Variants in TAF1 observed in about 807,000 individuals in gnomAD.
TAF1 encodes transcription initiation factor TFIID subunit 1.
A neutral mutation model predicts 138.5 loss-of-function variants in TAF1; 2 were observed. The ratio of observed to expected loss-of-function variants is 0.01; its 90% CI spans 0.01 to 0.05. TAF1 has a LOEUF of 0.05. Ranked by LOEUF, TAF1 falls within the 10% of genes least tolerant of loss-of-function variation. TAF1 has a pLI of 1.00. For missense variants in TAF1, 709 were observed against 1,478.0 expected (o/e 0.48, Z 8.53); for synonymous variants, 437 against 503.2 (o/e 0.87, Z 1.76).
chrX:71,455,001 T>C, intron 34 of TAF1, 144 bp downstream of exon 34: 2 of 1,164,056 alleles, frequency 1.7e-6, no homozygotes, highest in Non-Finnish European at 2.3e-6. Flanking sequence ...TCTTGTCTTC[T>C]CAAAGGCTAA....
intron 13 of TAF1, among the ~76,000 whole-genome samples, chrX:71,503,705 C>A (rs1238185938): frequency 1.8e-5 from 2 of 110,054 alleles, no homozygotes. Flanking sequence ...GTGGCTGGTT[C>A]AACTTTTTTT....
At position 71,367,693 on chromosome X, in the gene TAF1, C is replaced by T. The variant is rs28382150; in HGVS notation, c.235+80C>T. The T allele has an allele frequency of 3.9e-3, 4,120 of 1,063,709 alleles. 85 individuals carry two copies. In the African/African-American group the frequency reaches 0.068, roughly 18 times the overall value. The allele number at this position is 1,063,709 out of a possible 1,213,427, so 87.7% of individuals were successfully genotyped here. On this transcript the variant is annotated intron_variant, in intron 2 of 37. Coordinates refer to ENST00000423759, the MANE Select transcript of TAF1 (RefSeq NM_004606.5). ...TATGTACTTTTTTGTGTGTGTAAGA[C>T]GGAGTTTCGCTCTGTCTCCGAGGTT...
intron 24 of TAF1, 119 bp from the exon 25 acceptor site, chrX:71,401,409 G>A: frequency 6.8e-6 from 6 of 884,723 alleles, no homozygotes; most frequent in Non-Finnish European, 9.5e-6. Context: ...GTATACTTGG[G>A]GGTCCTGGAA....
chrX:71,382,922 C>A, intron 11 of TAF1, 54 bp downstream of exon 11: 1 of 1,191,282 alleles, frequency 8.4e-7, no homozygotes, highest in Admixed American at 2.3e-5. Context: ...TTTGTTCTGA[C>A]GGAGGATATG....
chrX:71,500,224 G>A (rs1423580785), intron 13 of TAF1, among the ~76,000 whole-genome samples: 2 of 109,918 alleles, frequency 1.8e-5, no homozygotes, highest in Admixed American at 9.7e-5. Flanking sequence ...ATTCTCCTTC[G>A]ATGAAAAGAA....
intron 28 of TAF1, among the ~76,000 whole-genome samples, chrX:71,413,630 G>A (rs2035905815): frequency 9.0e-6 from 1 of 110,841 alleles, no homozygotes; most frequent in Non-Finnish European, 1.9e-5. Context: ...ACTATCTCCA[G>A]CCCCATACCT....
At chrX:71,408,354 G>C (rs774606864) in intron 28 of TAF1, among the ~76,000 whole-genome samples, 28 of 110,814 alleles carry the variant, frequency 2.5e-4, no homozygotes, top group African/African-American at 9.2e-4. Flanking sequence ...TGGAGTCTCT[G>C]TCATCCAGGC....
At chrX:71,401,397 T>C in intron 24 of TAF1, 131 bp from the exon 25 acceptor site, 3 of 759,687 alleles carry the variant, frequency 3.9e-6, no homozygotes, top group Non-Finnish European at 5.7e-6. Flanking sequence ...GTGTGGATTT[T>C]GGTATACTTG....
At chrX:71,423,399 C>T (rs1403871148) in intron 30 of TAF1, 160 bp downstream of exon 30, 2 of 459,728 alleles carry the variant, frequency 4.4e-6, no homozygotes, top group Non-Finnish European at 2.7e-6. Flanking sequence ...TATATGGGTA[C>T]ATTATCTTTT....
intron 13 of TAF1, among the ~76,000 whole-genome samples, chrX:71,495,202 A>C (rs2039374089): frequency 1.8e-5 from 2 of 112,008 alleles, no homozygotes; most frequent in Non-Finnish European, 1.9e-5. Flanking sequence ...TGTCCTCTTT[A>C]GTGAACTCTT....
chrX:71,402,997 G>A (rs910189531), intron 25 of TAF1, among the ~76,000 whole-genome samples: 1 of 109,870 alleles, frequency 9.1e-6, no homozygotes, highest in East Asian at 2.8e-4. Flanking sequence ...AATCTAGAAT[G>A]ATTTTCCCTA....
chrX:71,523,210 C>T (rs1313953070), intron 13 of TAF1, among the ~76,000 whole-genome samples: 1 of 101,925 alleles, frequency 9.8e-6, no homozygotes, highest in East Asian at 3.1e-4. Flanking sequence ...AAAAAAAAAT[C>T]CGTTATAGGT....
At chrX:71,528,249 G>T in intron 13 of TAF1, 1 of 243,622 alleles carries the variant, frequency 4.1e-6, no homozygotes, top group South Asian at 4.5e-5. Flanking sequence ...GTCAGTGTAT[G>T]ATTGCCCCCA....
chrX:71,393,276 T>C, intron 20 of TAF1, 25 bp from the exon 21 acceptor site: 2 of 1,156,576 alleles, frequency 1.7e-6, no homozygotes. Flanking sequence ...ATATTTATAT[T>C]TGTGTGTGGC....
intron 32 of TAF1, among the ~76,000 whole-genome samples, chrX:71,450,629 G>T (rs962860440): frequency 8.9e-6 from 1 of 111,746 alleles, no homozygotes; most frequent in African/African-American, 3.3e-5. Context: ...TTCCTTCTTT[G>T]TGCCACTATT....
chrX:71,395,906 C>G (rs1429777578), intron 22 of TAF1, among the ~76,000 whole-genome samples: 3 of 110,637 alleles, frequency 2.7e-5, no homozygotes, highest in African/African-American at 9.9e-5. Flanking sequence ...ACCTGTAATC[C>G]CAGCACTTTG....
intron 34 of TAF1, among the ~76,000 whole-genome samples, chrX:71,456,841 A>C (rs2038328286): frequency 9.3e-6 from 1 of 107,801 alleles, no homozygotes; most frequent in Non-Finnish European, 1.9e-5. Flanking sequence ...ACGCCTGGCT[A>C]ATTTTGTATT....
At position 71,463,877 on chromosome X, in the gene TAF1, T is replaced by A; in HGVS notation, c.5453T>A (p.Phe1818Tyr). ...AAGTCGAACACCCAAGACACAAGCT[T>A]CAGCAGCATCGGTGGGTATGAGGTA... is the stretch of plus-strand genomic sequence containing the variant. ...DPKSNTQDTSFSSIGGYEVSE... is the reference protein window; with the variant it reads ...DPKSNTQDTSYSSIGGYEVSE... The change falls in exon 38 of 38, where the codon TTC (phenylalanine) becomes TAC (tyrosine). Residue 1818 changes from phenylalanine (F) to tyrosine (Y), a missense_variant. Coordinates refer to ENST00000423759, the MANE Select transcript of TAF1 (RefSeq NM_004606.5). 2 of 1,210,860 alleles carry A rather than the reference T, an allele frequency of 1.7e-6. No homozygotes were observed. Among genetic ancestry groups the A allele is most frequent in the Non-Finnish European group, 2.2e-6 (2 of 895,187 alleles).
intron 15 of TAF1, 87 bp downstream of exon 15, chrX:71,387,548 C>T: frequency 9.1e-7 from 1 of 1,095,577 alleles, no homozygotes; most frequent in Non-Finnish European, 1.2e-6. Context: ...GCTGTAATCC[C>T]AGCACTTTGG....
Sources: allele counts gnomAD v4.1 joint callset (sites outside exome capture counted in the v4.1 genomes callset), GRCh38; gene constraint gnomAD v4.1.1; transcripts MANE v1.5; gene names NCBI Gene and HGNC (gene_info 2026-07-23, HGNC 2026-07-21).